MSANTD2: variants seen among roughly 807,000 people sequenced by gnomAD.
MSANTD2 encodes myb/SANT-like DNA-binding domain-containing protein 2.
A neutral mutation model predicts 52.6 loss-of-function variants in MSANTD2; 19 were observed. That is an observed-to-expected ratio of 0.36 (90% CI 0.25 to 0.53). MSANTD2 has a LOEUF of 0.53. Among genes scored for constraint, MSANTD2 ranks in the 20% least tolerant of loss-of-function variants. MSANTD2 has a pLI of 0.91. For synonymous variants in MSANTD2, 291 were observed against 289.7 expected (o/e 1.00, Z -0.04); for missense variants, 558 against 716.3 (o/e 0.78, Z 2.52).
chr11:124,787,022 G>T (rs577014989), intron 1 of MSANTD2, among the ~76,000 whole-genome samples: 2 of 152,244 alleles, frequency 1.3e-5, no homozygotes, highest in Admixed American at 1.3e-4. Flanking sequence ...TCTATATGGT[G>T]GGGCTGGTAA....
chr11:124,784,352 A>G lies in MSANTD2; in HGVS notation c.511-9378T>C, dbSNP rs1024143397. 2.5e-5 allele frequency: 25 copies of G among 984,988 alleles called. No homozygotes were observed. In the African/African-American group the frequency reaches 4.4e-4, roughly 17 times the overall value. The allele number at this position is 984,988 out of a possible 1,614,324, so 61.0% of individuals were successfully genotyped here. A position where few individuals can be genotyped will look rare whatever the true frequency, so the allele number is the denominator to read the frequency against. Reference sequence around the variant, plus strand: ...ATACTTTTATTAGTATGTGATATCTAAAACACATGCAAGAAAATTATCTAA... The same window carrying G: ...ATACTTTTATTAGTATGTGATATCTGAAACACATGCAAGAAAATTATCTAA... On this transcript the variant is annotated intron_variant, in intron 1 of 3. Transcript: ENST00000374979.
Position 124,774,705 on chromosome 11 carries a change from GTT to G in MSANTD2, c.766+12_766+13del. ...ATACACAAACATAAGTATCATATATGTTGGCTTTCTTACCCAATTCCTGATCT... is the reference window on the plus strand; with the variant it reads ...ATACACAAACATAAGTATCATATATGGGCTTTCTTACCCAATTCCTGATCT... On this transcript the variant is annotated intron_variant, in intron 2 of 3. Coordinates refer to ENST00000374979, the MANE Select transcript of MSANTD2 (RefSeq NM_001308027.2). The surrounding 1 kb of genome is among the most constrained non-coding windows in gnomAD (Gnocchi z 5.1). 3 of 1,612,558 alleles carry G rather than the reference GTT, an allele frequency of 1.9e-6. No homozygotes were observed. Among genetic ancestry groups the G allele is most frequent in the Non-Finnish European group, 8.5e-7 (1 of 1,179,004 alleles).
intron 1 of MSANTD2, chr11:124,775,798 CATT>C (rs2135240508): frequency 6.6e-6 from 1 of 152,348 alleles, no homozygotes; most frequent in African/African-American, 2.4e-5. Flanking sequence ...AAATAAATAT[CATT>C]ATGCAAATCC....
At chr11:124,784,190 G>A (rs1306672696) in intron 1 of MSANTD2, 6 of 985,194 alleles carry the variant, frequency 6.1e-6, no homozygotes, top group Non-Finnish European at 7.2e-6. Flanking sequence ...GCAAAGAACT[G>A]ACTGGGATTA....
At chr11:124,793,538 C>T (rs1213351005) in intron 1 of MSANTD2, among the ~76,000 whole-genome samples, 1 of 152,184 alleles carries the variant, frequency 6.6e-6, no homozygotes, top group African/African-American at 2.4e-5. Flanking sequence ...TCACTAGCCA[C>T]AGGTGACTAT....
intron 3 of MSANTD2, among the ~76,000 whole-genome samples, chr11:124,770,617 T>C (rs1944479990): frequency 6.6e-6 from 1 of 152,068 alleles, no homozygotes; most frequent in Non-Finnish European, 1.5e-5. Context: ...ACTCACATTT[T>C]TTTTTCGAGA....
chr11:124,799,364 G>C (rs1398041580), intron 1 of MSANTD2, among the ~76,000 whole-genome samples: 1 of 152,250 alleles, frequency 6.6e-6, no homozygotes, highest in East Asian at 1.9e-4. Context: ...CAAAGCGACT[G>C]ACACAAAGGC....
At chr11:124,778,821 A>G (rs1944843133) in intron 1 of MSANTD2, among the ~76,000 whole-genome samples, 1 of 152,176 alleles carries the variant, frequency 6.6e-6, no homozygotes, top group South Asian at 2.1e-4. Flanking sequence ...AGGAAATGAG[A>G]GAATAAAAAG....
At position 124,800,306 on chromosome 11, in the gene MSANTD2, C is replaced by G; in HGVS notation, c.75G>C (p.Pro25=). ...LKIPKMEVLS[P]ASPGGLSDGN... ...CGTCGCTCAGGCCACCAGGAGAAGC[C>G]GGGGAAAGCACCTCCATCTTCGGAA... Residue 25 remains proline (P), a synonymous_variant, in exon 1 of 4, where the codon CCG becomes CCC. Transcript: ENST00000374979. This position sits in a 1 kb window ranked among gnomAD's most constrained non-coding sequence, Gnocchi z 4.3. 6.4e-7 allele frequency: 1 copy of G among 1,567,496 alleles called. No homozygotes were observed. The highest frequency in any genetic ancestry group is 8.6e-7 in the Non-Finnish European group (1 of 1,159,358).
Position 124,799,925 on chromosome 11 carries a change from G to C in MSANTD2, c.456C>G (p.Ala152=). 6.3e-7 allele frequency: 1 copy of C among 1,585,824 alleles called. No individual in the cohort carries two copies. ...GPAMYERVSR[A]LAELGYERTP... ...TCCGCTCGTAGCCCAGCTCGGCCAG[G>C]GCCCGGGACACGCGCTCGTACATGG... The change falls in exon 1 of 4, where the codon GCC becomes GCG. Residue 152 remains alanine, a synonymous_variant. Transcript: ENST00000374979.
intron 3 of MSANTD2, among the ~76,000 whole-genome samples, chr11:124,772,646 AG>A (rs1173615704): frequency 6.8e-6 from 1 of 147,656 alleles, no homozygotes; most frequent in Non-Finnish European, 1.5e-5. Flanking sequence ...CTGAGGCAGG[AG>A]AATGGCGTGA....
chr11:124,793,271 A>C (rs1255056561), intron 1 of MSANTD2, among the ~76,000 whole-genome samples: 1 of 152,208 alleles, frequency 6.6e-6, no homozygotes, highest in African/African-American at 2.4e-5. Context: ...ACAAATAATG[A>C]TTTAATGTGT....
intron 1 of MSANTD2, among the ~76,000 whole-genome samples, chr11:124,782,283 C>T (rs918071356): frequency 7.9e-6 from 1 of 126,400 alleles, no homozygotes; most frequent in Non-Finnish European, 1.6e-5. Flanking sequence ...TTTGTCTCTA[C>T]TTAAAAAAAA....
At chr11:124,780,762 C>A (rs2135248399) in intron 1 of MSANTD2, among the ~76,000 whole-genome samples, 1 of 152,262 alleles carries the variant, frequency 6.6e-6, no homozygotes, top group Non-Finnish European at 1.5e-5. Context: ...AAGATTGGAA[C>A]AATTACTTTA....
chr11:124,791,943 G>A, intron 1 of MSANTD2: 1 of 250,970 alleles, frequency 4.0e-6, no homozygotes, highest in South Asian at 4.8e-5. Flanking sequence ...TCATTATGTG[G>A]ATTAAGTTAA....
Position 124,774,910 on chromosome 11 carries a change from G to T in MSANTD2, c.575C>A (p.Thr192Lys). The T allele has an allele frequency of 6.2e-7, 1 of 1,607,584 alleles. No individual in the cohort carries two copies. Among genetic ancestry groups the T allele is most frequent in the Non-Finnish European group, 8.5e-7 (1 of 1,178,428 alleles). The stretch of plus-strand genomic sequence containing the variant: ...AAACACCTGTTCCAACTGTTCAAAT[G>T]TGTAACTGCTCTTTCTTTTCCCAAC... ...HGVGKRKSSY[T>K]FEQLEQVFGQ... Residue 192 changes from threonine (T) to lysine (K), a missense_variant, in exon 2 of 4, where the codon ACA becomes AAA. This residue lies in a region of MSANTD2 where 408 missense variants were observed against 573.6 expected (regional missense o/e 0.71). Transcript: ENST00000374979. The surrounding 1 kb of genome is among the most constrained non-coding windows in gnomAD (Gnocchi z 5.1).
rs185487041 is a variant in MSANTD2, at chr11:124,777,604, T to C, written c.511-2630A>G. 2.6e-5 allele frequency among the ~76,000 whole-genome samples: 4 copies of C among 152,302 alleles called. No homozygotes were observed. In the East Asian group the frequency reaches 7.7e-4, roughly 29 times the overall value. ...ATGGAAGAAAAGTCAGGTGACACAT[T>C]TTACAATTTATCAAAAGACACTAAC... On this transcript the variant is annotated intron_variant, in intron 1 of 3. Coordinates refer to ENST00000374979, the MANE Select transcript of MSANTD2 (RefSeq NM_001308027.2).
At chr11:124,791,043 G>A in intron 1 of MSANTD2, 1 of 496,260 alleles carries the variant, frequency 2.0e-6, no homozygotes, top group Non-Finnish European at 3.7e-6. Flanking sequence ...AGCAAGTTGT[G>A]ACCACCTTTC....
intron 2 of MSANTD2, 37 bp from the exon 3 acceptor site, chr11:124,773,091 C>T: frequency 8.0e-7 from 1 of 1,253,468 alleles, no homozygotes; most frequent in South Asian, 1.2e-5. Flanking sequence ...TTATACTTTC[C>T]TAAGTGGTGG....
Sources: gnomAD v4.1 joint callset for allele counts (sites outside exome capture counted in the v4.1 genomes callset) on GRCh38, gnomAD v4.1.1 for gene constraint, gnomAD v4.1.1 regional missense constraint, Gnocchi (gnomAD v3.1) non-coding constraint, MANE v1.5 for transcripts, NCBI Gene and HGNC (gene_info 2026-07-23, HGNC 2026-07-21) for gene names.